The following PPFIA2 variants were observed in gnomAD, a reference collection of about 807,000 sequenced individuals.
PPFIA2 encodes PPFI scaffold protein A2, also known as liprin-alpha-2.
In PPFIA2, 46 loss-of-function variants were observed where a neutral mutation model predicts 175.5. The observed-to-expected ratio is 0.26, with a 90% CI of 0.21 to 0.34. The LOEUF (loss-of-function observed/expected upper bound fraction) is 0.34. Ranked by LOEUF, PPFIA2 falls within the 10% of genes least tolerant of loss-of-function variation. The probability of loss-of-function intolerance (pLI) is 1.00; values close to 1 mark genes in which losing one functional copy is unlikely to be tolerated. For synonymous variants in PPFIA2, 568 were observed against 511.4 expected (o/e 1.11, Z -1.49); for missense variants, 1,179 against 1,506.1 (o/e 0.78, Z 3.60).
intron 4 of PPFIA2, among the ~76,000 whole-genome samples, chr12:81,648,030 T>C (rs2066438235): frequency 6.7e-6 from 1 of 149,756 alleles, no homozygotes; most frequent in Non-Finnish European, 1.5e-5. Flanking sequence ...TAGAACTCTA[T>C]AAATATAGAA....
chr12:81,578,237 A>G (rs1179908141), intron 4 of PPFIA2, among the ~76,000 whole-genome samples: 2 of 151,706 alleles, frequency 1.3e-5, no homozygotes, highest in Non-Finnish European at 2.9e-5. Context: ...CACTTGCACC[A>G]TATAATATTC....
intron 4 of PPFIA2, among the ~76,000 whole-genome samples, chr12:81,600,704 G>A (rs539776028): frequency 1.3e-5 from 2 of 151,956 alleles, no homozygotes; most frequent in East Asian, 3.9e-4. Flanking sequence ...TTCTAGATAC[G>A]TGTTAGGATC....
chr12:81,549,153 G>T (rs1434815627), intron 4 of PPFIA2, among the ~76,000 whole-genome samples: 1 of 152,038 alleles, frequency 6.6e-6, no homozygotes, highest in East Asian at 1.9e-4. Flanking sequence ...TTTCTGGGAA[G>T]AGCGTTGGCA....
chr12:81,525,748 T>C (rs1251468621), intron 4 of PPFIA2, among the ~76,000 whole-genome samples: 2 of 152,232 alleles, frequency 1.3e-5, no homozygotes, highest in South Asian at 4.1e-4. Context: ...GTTCTCCTTA[T>C]ATTGTTTACT....
chr12:81,472,068 A>C (rs568427858), intron 4 of PPFIA2, among the ~76,000 whole-genome samples: 1 of 152,318 alleles, frequency 6.6e-6, no homozygotes, highest in African/African-American at 2.4e-5. Context: ...ATGCTCCTTG[A>C]AAAATATGCT....
chr12:81,299,062 G>T (rs2047175823), intron 23 of PPFIA2, among the ~76,000 whole-genome samples: 1 of 152,190 alleles, frequency 6.6e-6, no homozygotes, highest in African/African-American at 2.4e-5. Context: ...CTCTAGAAAT[G>T]AAAAGGGTGT....
In PPFIA2 at chr12:81,283,078, A is replaced by T. The variant is rs540310304; in HGVS notation, c.2989-39T>A. ...AGGAAATGATTAATAAAGCAGGTAA[A>T]TATAAATTAATTTCAAATCAATACA... is the stretch of plus-strand genomic sequence containing the variant. On this transcript the variant is annotated intron_variant, in intron 25 of 32. Coordinates refer to ENST00000549396, the MANE Select transcript of PPFIA2 (RefSeq NM_003625.5). The T allele has an allele frequency of 2.8e-5, 44 of 1,598,166 alleles. 2 individuals are homozygous for T. The South Asian group carries it at 4.6e-4, about 17-fold the overall frequency.
At chr12:81,685,112 C>T (rs1343833524) in intron 3 of PPFIA2, among the ~76,000 whole-genome samples, 1 of 152,050 alleles carries the variant, frequency 6.6e-6, no homozygotes, top group Non-Finnish European at 1.5e-5. Context: ...TGTTGGTTCA[C>T]AGCACTGGGA....
At chr12:81,362,580 G>C (rs2031281011) in intron 15 of PPFIA2, 113 bp downstream of exon 15, 1 of 586,912 alleles carries the variant, frequency 1.7e-6, no homozygotes, top group Non-Finnish European at 2.9e-6. Context: ...ACATGATAAT[G>C]ACTAGTGAGC....
chr12:81,524,015 C>T (rs991885250), intron 4 of PPFIA2, among the ~76,000 whole-genome samples: 1 of 152,184 alleles, frequency 6.6e-6, no homozygotes, highest in East Asian at 1.9e-4. Flanking sequence ...TTTCCACTAC[C>T]ATACTTACAT....
chr12:81,349,962 T>C (rs1271006255), intron 17 of PPFIA2, among the ~76,000 whole-genome samples: 3 of 152,210 alleles, frequency 2.0e-5, no homozygotes, highest in Non-Finnish European at 2.9e-5. Flanking sequence ...GCAGTTCACC[T>C]GGTTTGAATC....
At chr12:81,376,139 CG>C (rs1382846080) in intron 9 of PPFIA2, among the ~76,000 whole-genome samples, 197 bp from the exon 10 acceptor site, 2 of 152,106 alleles carry the variant, frequency 1.3e-5, no homozygotes, top group Non-Finnish European at 2.9e-5. Flanking sequence ...TTTGTATCTT[CG>C]GTTAACCAAA....
At chr12:81,328,807 T>C (rs1042568993) in intron 21 of PPFIA2, among the ~76,000 whole-genome samples, 2 of 123,106 alleles carry the variant, frequency 1.6e-5, no homozygotes, top group Admixed American at 1.0e-4. Flanking sequence ...TTTTTCTTTT[T>C]TTCTTTCTTT....
chr12:81,369,040 C>A (rs1403259130), intron 12 of PPFIA2, 71 bp downstream of exon 12: 2 of 1,360,928 alleles, frequency 1.5e-6, no homozygotes, highest in Non-Finnish European at 2.0e-6. Flanking sequence ...CAGTTAAAGG[C>A]TTTCTTCTTA....
chr12:81,556,611 G>T (rs1396203308), intron 4 of PPFIA2, among the ~76,000 whole-genome samples: 1 of 151,724 alleles, frequency 6.6e-6, no homozygotes, highest in Non-Finnish European at 1.5e-5. Context: ...GAAAATTTGT[G>T]CAAGTTTTTA....
chr12:81,333,372 A>G (rs1029047754), intron 21 of PPFIA2, among the ~76,000 whole-genome samples: 2 of 152,202 alleles, frequency 1.3e-5, no homozygotes, highest in Non-Finnish European at 2.9e-5. Flanking sequence ...AGCAAAGGGA[A>G]TAAACACACC....
chr12:81,283,999 C>T (rs182145373), intron 25 of PPFIA2, among the ~76,000 whole-genome samples: 1 of 152,240 alleles, frequency 6.6e-6, no homozygotes, highest in Admixed American at 6.5e-5. Flanking sequence ...CTATTTATTA[C>T]TTTCTTCCTT....
intron 22 of PPFIA2, among the ~76,000 whole-genome samples, chr12:81,319,065 A>G (rs1225303994): frequency 6.6e-6 from 1 of 151,728 alleles, no homozygotes; most frequent in East Asian, 1.9e-4. Context: ...TTAATTTTTC[A>G]TATACTAATT....
At chr12:81,706,958 G>C (rs1007565682) in intron 3 of PPFIA2, among the ~76,000 whole-genome samples, 1 of 152,056 alleles carries the variant, frequency 6.6e-6, no homozygotes, top group South Asian at 2.1e-4. Context: ...TGGGAAAACT[G>C]GCTAGCCATA....
Sources: gnomAD v4.1 joint callset for allele counts (sites outside exome capture counted in the v4.1 genomes callset) on GRCh38, gnomAD v4.1.1 for gene constraint, MANE v1.5 for transcripts, NCBI Gene and HGNC (gene_info 2026-07-23, HGNC 2026-07-21) for gene names.